Variants in VWC2 observed in about 807,000 individuals in gnomAD.
The protein encoded by VWC2 is von Willebrand factor C domain containing 2.
A neutral mutation model predicts 29.8 loss-of-function variants in VWC2; 14 were observed. The observed-to-expected ratio is 0.47, with a 90% CI of 0.31 to 0.74. VWC2 has a LOEUF of 0.74. Among genes scored for constraint, VWC2 ranks in the 30% least tolerant of loss-of-function variants. The pLI is 0.05. For synonymous variants in VWC2, 213 were observed against 199.0 expected (o/e 1.07, Z -0.59); for missense variants, 457 against 459.8 (o/e 0.99, Z 0.05).
At chr7:49,884,724 G>C (rs1567269) in intron 3 of VWC2, among the ~76,000 whole-genome samples, 112,318 of 152,048 alleles carry the variant, frequency 0.74, 41,732 homozygotes, top group East Asian at 0.88. Context: ...CCAAACTCAA[G>C]TCAAGTTTTA....
intron 2 of VWC2, among the ~76,000 whole-genome samples, chr7:49,786,140 C>T (rs932358268): frequency 4.6e-5 from 7 of 152,188 alleles, no homozygotes; most frequent in Non-Finnish European, 7.3e-5. Flanking sequence ...CCACCTCCCT[C>T]GCCCCTCTCA....
chr7:49,913,185 T>C lies in VWC2; in HGVS notation c.*1000T>C, dbSNP rs1793547632. 1 of 152,220 alleles carries C rather than the reference T, an allele frequency of 6.6e-6. No individual in the cohort carries two copies. The highest frequency in any genetic ancestry group is 1.5e-5 in the Non-Finnish European group (1 of 68,046). 9.4% of individuals were successfully genotyped at this position (152,220 alleles called of 1,614,324 possible). On this transcript the variant is annotated 3_prime_UTR_variant, in exon 4 of 4. Transcript: ENST00000340652. ...ATAAACTACACAGTAAAATCTTGACTGATAACCTTGAATTAGCCACCCTTC... is the reference window on the plus strand; with the variant it reads ...ATAAACTACACAGTAAAATCTTGACCGATAACCTTGAATTAGCCACCCTTC...
intron 3 of VWC2, among the ~76,000 whole-genome samples, chr7:49,856,806 G>A (rs1369851603): frequency 2.0e-5 from 3 of 151,882 alleles, no homozygotes; most frequent in African/African-American, 4.8e-5. Flanking sequence ...TCAGGAGATC[G>A]AGACCATCCT....
chr7:49,792,977 G>C (rs1370571962), intron 2 of VWC2, among the ~76,000 whole-genome samples: 1 of 152,182 alleles, frequency 6.6e-6, no homozygotes, highest in Non-Finnish European at 1.5e-5. Context: ...GACAACGCTC[G>C]TGCTTATTCC....
At position 49,801,860 on chromosome 7, in the gene VWC2, G is replaced by T. The variant is rs142264966; in HGVS notation, c.697-851G>T. ...ATTTTAGCGCTGCTGTAAAAGTTCA[G>T]TGAGGGAATATTCATAGAGCTCCCG... On this transcript the variant is annotated intron_variant, in intron 2 of 3. Coordinates refer to ENST00000340652, the MANE Select transcript of VWC2 (RefSeq NM_198570.5). 7.2e-5 allele frequency among the ~76,000 whole-genome samples: 11 copies of T among 152,366 alleles called. No homozygotes were observed. The South Asian group carries it at 1.7e-3, about 23-fold the overall frequency.
At chr7:49,803,990 T>C (rs1788809524) in intron 3 of VWC2, among the ~76,000 whole-genome samples, 1 of 152,118 alleles carries the variant, frequency 6.6e-6, no homozygotes, top group Non-Finnish European at 1.5e-5. Flanking sequence ...TCATAATCAT[T>C]GTAGCATAGT....
chr7:49,818,167 T>C (rs1457157644), intron 3 of VWC2, among the ~76,000 whole-genome samples: 1 of 152,162 alleles, frequency 6.6e-6, no homozygotes, highest in South Asian at 2.1e-4. Flanking sequence ...TGGGAAGTGA[T>C]ACAAAGAAAA....
chr7:49,807,526 G>A (rs1371074772), intron 3 of VWC2, among the ~76,000 whole-genome samples: 4 of 152,182 alleles, frequency 2.6e-5, no homozygotes, highest in Admixed American at 2.6e-4. Flanking sequence ...AGGACAGTGG[G>A]AAAGGAGTAA....
chr7:49,876,035 C>T (rs1791401327), intron 3 of VWC2, among the ~76,000 whole-genome samples: 1 of 152,128 alleles, frequency 6.6e-6, no homozygotes, highest in Admixed American at 6.6e-5. Context: ...TCAAAAATCA[C>T]TTGACCTGTG....
intron 3 of VWC2, among the ~76,000 whole-genome samples, chr7:49,870,155 C>T (rs575685862): frequency 1.1e-4 from 17 of 152,198 alleles, no homozygotes; most frequent in Non-Finnish European, 2.2e-4. Flanking sequence ...AATCCCAGCA[C>T]TTTGGGAGAC....
At chr7:49,898,203 T>C (rs1305113152) in intron 3 of VWC2, among the ~76,000 whole-genome samples, 4 of 152,088 alleles carry the variant, frequency 2.6e-5, no homozygotes, top group Non-Finnish European at 5.9e-5. Context: ...TATATATGTA[T>C]GCTTTATATA....
intron 3 of VWC2, among the ~76,000 whole-genome samples, chr7:49,859,786 GCGTGCA>G (rs1366142708): frequency 4.6e-5 from 3 of 65,616 alleles, no homozygotes; most frequent in Non-Finnish European, 9.3e-5. Flanking sequence ...CAGTGCGCGT[GCGTGCA>G]CACACACACA....
intron 3 of VWC2, among the ~76,000 whole-genome samples, chr7:49,849,706 T>C (rs1202001421): frequency 1.3e-5 from 2 of 152,180 alleles, no homozygotes; most frequent in African/African-American, 4.8e-5. Context: ...AGGGAGATTG[T>C]GGATGTCAGC....
chr7:49,850,133 CAG>C (rs1477910717), intron 3 of VWC2, among the ~76,000 whole-genome samples: 4 of 152,200 alleles, frequency 2.6e-5, no homozygotes, highest in South Asian at 4.1e-4. Flanking sequence ...TGCAGGAAAA[CAG>C]AGCACAGTGC....
intron 2 of VWC2, among the ~76,000 whole-genome samples, chr7:49,790,174 C>T (rs540621226): frequency 1.2e-4 from 18 of 152,190 alleles, no homozygotes; most frequent in Non-Finnish European, 2.4e-4. Context: ...TCCTGTTGAT[C>T]TGTATTAATG....
chr7:49,824,001 A>T (rs1789331017), intron 3 of VWC2, among the ~76,000 whole-genome samples: 1 of 151,970 alleles, frequency 6.6e-6, no homozygotes, highest in Non-Finnish European at 1.5e-5. Flanking sequence ...AAAAGTTAAT[A>T]CAAATCCTTC....
At chr7:49,885,709 G>A (rs1477110314) in intron 3 of VWC2, among the ~76,000 whole-genome samples, 1 of 152,240 alleles carries the variant, frequency 6.6e-6, no homozygotes, top group African/African-American at 2.4e-5. Flanking sequence ...AGATACAAGA[G>A]TCTACGAGGG....
chr7:49,816,217 T>C (rs1200327710), intron 3 of VWC2, among the ~76,000 whole-genome samples: 1 of 152,180 alleles, frequency 6.6e-6, no homozygotes, highest in Admixed American at 6.5e-5. Context: ...AGGGAAGTTA[T>C]TAGTAGATTT....
chr7:49,780,658 G>A (rs1021003551), intron 2 of VWC2, among the ~76,000 whole-genome samples: 15 of 152,156 alleles, frequency 9.9e-5, no homozygotes, highest in African/African-American at 1.7e-4. Flanking sequence ...ACTGGTTATC[G>A]TAGCCGATCA....
Sources: gnomAD v4.1 joint callset for allele counts (sites outside exome capture counted in the v4.1 genomes callset) on GRCh38, gnomAD v4.1.1 for gene constraint, MANE v1.5 for transcripts, NCBI Gene and HGNC (gene_info 2026-07-23, HGNC 2026-07-21) for gene names.